Variants in GREB1L observed in about 807,000 individuals in gnomAD.
GREB1L encodes the protein GREB1 like retinoic acid receptor coactivator.
A neutral mutation model predicts 200.8 loss-of-function variants in GREB1L; 17 were observed. That is an observed-to-expected ratio of 0.08 (90% CI 0.06 to 0.13). The LOEUF (loss-of-function observed/expected upper bound fraction) is 0.13, where lower values mean the gene tolerates loss of function less well. Among genes scored for constraint, GREB1L ranks in the 10% least tolerant of loss-of-function variants. The pLI, the probability that GREB1L is intolerant of heterozygous loss-of-function variation, is 1.00. For synonymous variants in GREB1L, 789 were observed against 893.0 expected (o/e 0.88, Z 2.08); for missense variants, 1,657 against 2,367.7 (o/e 0.70, Z 6.23).
In GREB1L at chr18:21,439,584, A is replaced by T; in HGVS notation, c.896A>T (p.His299Leu). Residue 299 changes from histidine (H) to leucine (L), a missense_variant, in exon 8 of 33, where the codon CAC (histidine) becomes CTC (leucine). Transcript: ENST00000424526. ...AGTGCATCCAGCTCCACTCCAGCCC[A>T]CACAGGGAATTACTCTTTGTCACCA... ...KGSASSSTPA[H>L]TGNYSLSPRP... 1 of 1,552,126 alleles carries T rather than the reference A, an allele frequency of 6.4e-7. No individual in the cohort carries two copies.
intron 16 of GREB1L, among the ~76,000 whole-genome samples, chr18:21,475,508 G>A (rs1303757941): frequency 1.4e-4 from 22 of 151,960 alleles, no homozygotes; most frequent in Non-Finnish European, 2.5e-4. Flanking sequence ...ACAGACGCCC[G>A]CCACACGTCT....
chr18:21,373,821 T>C (rs367601980), intron 2 of GREB1L, among the ~76,000 whole-genome samples: 1 of 152,214 alleles, frequency 6.6e-6, no homozygotes, highest in Non-Finnish European at 1.5e-5. Flanking sequence ...TAGTGCTTTG[T>C]TTTTGTCTTT....
At position 21,508,482 on chromosome 18, in the gene GREB1L, C is replaced by G. The variant is rs1484589197; in HGVS notation, c.4626C>G (p.Ser1542Arg). ...LNLFHAMEGI[S>R]HLHLLVVKEY... The stretch of plus-strand genomic sequence containing the variant: ...TTTTCCACGCCATGGAGGGCATCAG[C>G]CACCTTCACCTCCTGGTGGTCAAAG... Residue 1542 changes from serine to arginine, a missense_variant, in exon 27 of 33, where the codon AGC (serine) becomes AGG (arginine). Transcript: ENST00000424526. 6.4e-7 allele frequency: 1 copy of G among 1,551,610 alleles called. No homozygotes were observed. Among genetic ancestry groups the G allele is most frequent in the Non-Finnish European group, 8.7e-7 (1 of 1,146,998 alleles).
intron 1 of GREB1L, among the ~76,000 whole-genome samples, chr18:21,337,126 C>T (rs1023283921): frequency 2.0e-5 from 3 of 151,988 alleles, no homozygotes; most frequent in African/African-American, 7.3e-5. Context: ...ATGCAGGATC[C>T]AGTGATGATT....
chr18:21,268,515 A>ATG (rs2038011725), intron 1 of GREB1L, among the ~76,000 whole-genome samples: 1 of 80,684 alleles, frequency 1.2e-5, no homozygotes, highest in Non-Finnish European at 2.2e-5. Context: ...ATATATGTAT[A>ATG]TATATATACA....
chr18:21,438,695 A>T (rs1368067238), intron 7 of GREB1L, among the ~76,000 whole-genome samples: 1 of 151,688 alleles, frequency 6.6e-6, no homozygotes, highest in African/African-American at 2.4e-5. Flanking sequence ...ACGGTGGCTC[A>T]TGCCTGTAAT....
chr18:21,313,169 T>C (rs1490180561), intron 1 of GREB1L, among the ~76,000 whole-genome samples: 1 of 151,292 alleles, frequency 6.6e-6, no homozygotes, highest in East Asian at 1.9e-4. Flanking sequence ...TTTAAAATAT[T>C]AAAAAATATT....
At position 21,256,699 on chromosome 18, in the gene GREB1L, A is replaced by G. The variant is rs75928617; in HGVS notation, c.-120+14306A>G. 1.5e-3 allele frequency among the ~76,000 whole-genome samples: 234 copies of G among 152,286 alleles called. 3 individuals carry two copies. In the East Asian group the frequency reaches 0.031, roughly 20 times the overall value. On this transcript the variant is annotated intron_variant, in intron 1 of 32. Transcript: ENST00000424526. ...GTCACATTTCTGAGATAATGAATCAATGCTGCCAAGCATGATGGCTGGTAC... is the reference window on the plus strand; with the variant it reads ...GTCACATTTCTGAGATAATGAATCAGTGCTGCCAAGCATGATGGCTGGTAC...
At chr18:21,408,962 G>A (rs2030628680) in intron 7 of GREB1L, among the ~76,000 whole-genome samples, 1 of 152,074 alleles carries the variant, frequency 6.6e-6, no homozygotes. Flanking sequence ...AATACAGTTT[G>A]GCAATTTCTC....
chr18:21,353,458 A>G (rs1416595149), intron 1 of GREB1L, among the ~76,000 whole-genome samples: 1 of 152,032 alleles, frequency 6.6e-6, no homozygotes, highest in Non-Finnish European at 1.5e-5. Flanking sequence ...ACTTTATTAT[A>G]TATATAATAG....
chr18:21,436,670 GT>G (rs1408872967), intron 7 of GREB1L, among the ~76,000 whole-genome samples: 44 of 6,438 alleles, frequency 6.8e-3, no homozygotes, highest in African/African-American at 0.028. Flanking sequence ...AAGTTCAGTG[GT>G]GTGTGTGTGT....
At chr18:21,295,072 A>T (rs1182293698) in intron 1 of GREB1L, among the ~76,000 whole-genome samples, 3 of 152,212 alleles carry the variant, frequency 2.0e-5, no homozygotes. Context: ...CTATCCCATT[A>T]ACAAAGAATT....
chr18:21,268,550 CACACACACACATATAT>C (rs2038017328), intron 1 of GREB1L, among the ~76,000 whole-genome samples: 1 of 99,188 alleles, frequency 1.0e-5, no homozygotes, highest in African/African-American at 5.3e-5. Context: ...CACACACACA[CACACACACACATATAT>C]ATATATATAT....
At chr18:21,323,048 G>T (rs1193337197) in intron 1 of GREB1L, among the ~76,000 whole-genome samples, 4 of 152,104 alleles carry the variant, frequency 2.6e-5, no homozygotes, top group Non-Finnish European at 5.9e-5. Context: ...ACTTTGGGAG[G>T]CCAAGTCAGG....
In GREB1L at chr18:21,253,825, A is replaced by G. The variant is rs1326049997; in HGVS notation, c.-120+11432A>G. ...AAATCTTTTGGTAACTTTGACTTCC[A>G]GGCTTTTTTTTTTTTTTTTTTTCCC... is the stretch of plus-strand genomic sequence containing the variant. On this transcript the variant is annotated intron_variant, in intron 1 of 32. Transcript: ENST00000424526. Among the ~76,000 whole-genome samples, 3 of 136,898 alleles carry G rather than the reference A, an allele frequency of 2.2e-5. No individual in the cohort carries two copies. In the South Asian group the frequency reaches 6.6e-4, roughly 30 times the overall value. The allele number at this position is 136,898 out of a possible 152,430, so 89.8% of individuals were successfully genotyped here.
intron 10 of GREB1L, among the ~76,000 whole-genome samples, chr18:21,442,383 G>A (rs2033946618): frequency 6.6e-6 from 1 of 152,188 alleles, no homozygotes; most frequent in South Asian, 2.1e-4. Flanking sequence ...TTTGCTTGGA[G>A]TCATGTCCTT....
At chr18:21,467,799 C>T (rs546496513) in intron 15 of GREB1L, among the ~76,000 whole-genome samples, 11 of 152,100 alleles carry the variant, frequency 7.2e-5, no homozygotes, top group Non-Finnish European at 1.2e-4. Flanking sequence ...CCAAGGCGGG[C>T]GGATCACAAG....
chr18:21,346,052 C>T (rs756862313), intron 1 of GREB1L, among the ~76,000 whole-genome samples: 2 of 152,046 alleles, frequency 1.3e-5, no homozygotes, highest in African/African-American at 2.4e-5. Context: ...AGTAAATACT[C>T]GTTGAATGAG....
intron 17 of GREB1L, among the ~76,000 whole-genome samples, chr18:21,484,240 A>G (rs976756912): frequency 1.3e-5 from 2 of 150,542 alleles, no homozygotes; most frequent in Non-Finnish European, 3.0e-5. Context: ...CAGTGGCACA[A>G]TCTCGGCTCA....
Sources: gnomAD v4.1 joint callset for allele counts (sites outside exome capture counted in the v4.1 genomes callset) on GRCh38, gnomAD v4.1.1 for gene constraint, MANE v1.5 for transcripts, NCBI Gene and HGNC (gene_info 2026-07-23, HGNC 2026-07-21) for gene names.